The following LEMD1 variants were observed in gnomAD, a reference collection of about 807,000 sequenced individuals.
LEMD1 encodes LEM domain-containing protein 1.
A neutral mutation model predicts 17.4 loss-of-function variants in LEMD1; 18 were observed. The ratio of observed to expected loss-of-function variants is 1.04; its 90% CI spans 0.72 to 1.54. LEMD1 has a LOEUF of 1.54. Among genes scored for constraint, LEMD1 ranks in the 40% most tolerant of loss-of-function variants. The pLI, the probability that LEMD1 is intolerant of heterozygous loss-of-function variation, is 0.00. For synonymous variants in LEMD1, 88 were observed against 77.8 expected (o/e 1.13, Z -0.69); for missense variants, 195 against 210.4 (o/e 0.93, Z 0.45).
At chr1:205,413,722 G>A (rs1001593250) in intron 4 of LEMD1, among the ~76,000 whole-genome samples, 4 of 145,794 alleles carry the variant, frequency 2.7e-5, no homozygotes, top group East Asian at 2.0e-4. Flanking sequence ...GCACAATCTC[G>A]GCTCATTGCA....
intron 4 of LEMD1, among the ~76,000 whole-genome samples, chr1:205,394,986 C>CAA (rs751367678): frequency 5.0e-5 from 6 of 120,386 alleles, no homozygotes; most frequent in Non-Finnish European, 8.9e-5. Flanking sequence ...GACTCCTTCT[C>CAA]AAAAAAAAAA....
At chr1:205,442,476 G>C (rs145826294) in intron 1 of LEMD1, among the ~76,000 whole-genome samples, 1 of 152,138 alleles carries the variant, frequency 6.6e-6, no homozygotes, top group South Asian at 2.1e-4. Context: ...AACTTCCTTC[G>C]TGTTTCTCCA....
At chr1:205,395,355 G>A (rs902218499) in intron 4 of LEMD1, among the ~76,000 whole-genome samples, 1 of 152,232 alleles carries the variant, frequency 6.6e-6, no homozygotes, top group Middle Eastern at 3.4e-3. Flanking sequence ...AGCACTTTGG[G>A]AGGCTGAGGT....
intron 5 of LEMD1, among the ~76,000 whole-genome samples, chr1:205,383,399 T>G (rs569494095): frequency 6.6e-6 from 1 of 151,886 alleles, no homozygotes; most frequent in Non-Finnish European, 1.5e-5. Context: ...CCAGCCAACA[T>G]GTGCTATTCT....
Position 205,434,728 on chromosome 1 carries a change from C to T in LEMD1, c.-38-14154G>A, listed in dbSNP as rs186910115. Reference sequence around the variant, plus strand: ...TGGCCCCAACACCTCACTTTATGTCCATACTCCTGACTCTTCCCCCCAGTC... The same window carrying T: ...TGGCCCCAACACCTCACTTTATGTCTATACTCCTGACTCTTCCCCCCAGTC... On this transcript the variant is annotated intron_variant, in intron 1 of 3. Transcript: ENST00000367154. 6.2e-4 allele frequency among the ~76,000 whole-genome samples: 95 copies of T among 152,262 alleles called. 1 individual carries two copies. The highest frequency in any genetic ancestry group is 2.2e-3 in the African/African-American group (91 of 41,544).
intron 1 of LEMD1, among the ~76,000 whole-genome samples, chr1:205,432,492 C>T (rs909819991): frequency 3.9e-5 from 6 of 152,170 alleles, no homozygotes; most frequent in African/African-American, 1.4e-4. Context: ...ATTACAAACC[C>T]CAAGAGATCA....
At chr1:205,403,095 C>T (rs1178368084) in intron 4 of LEMD1, among the ~76,000 whole-genome samples, 1 of 151,862 alleles carries the variant, frequency 6.6e-6, no homozygotes, top group Non-Finnish European at 1.5e-5. Flanking sequence ...CTGCTGGATT[C>T]GGTGTGCCAA....
At chr1:205,416,058 G>A (rs1256206647) in intron 4 of LEMD1, among the ~76,000 whole-genome samples, 174 bp downstream of exon 4, 1 of 152,100 alleles carries the variant, frequency 6.6e-6, no homozygotes, top group Admixed American at 6.6e-5. Flanking sequence ...CTAGATCATG[G>A]AAATTTTTTC....
chr1:205,432,177 G>A (rs72748914), intron 1 of LEMD1, among the ~76,000 whole-genome samples: 9,672 of 152,274 alleles, frequency 0.064, 433 homozygotes, highest in Middle Eastern at 0.11. Flanking sequence ...GTTAGAGAAA[G>A]GAAGAGGAAG....
intron 1 of LEMD1, among the ~76,000 whole-genome samples, chr1:205,427,920 C>T (rs1364538674): frequency 6.6e-6 from 1 of 152,182 alleles, no homozygotes; most frequent in Non-Finnish European, 1.5e-5. Context: ...AAACAAACAA[C>T]TGTTCCAGAG....
chr1:205,392,728 G>C (rs1180054966), intron 4 of LEMD1, among the ~76,000 whole-genome samples: 1 of 152,136 alleles, frequency 6.6e-6, no homozygotes, highest in Admixed American at 6.5e-5. Flanking sequence ...TGTAATGAAA[G>C]ACCTAACATT....
At chr1:205,404,683 A>G (rs1665006416) in intron 4 of LEMD1, among the ~76,000 whole-genome samples, 1 of 152,012 alleles carries the variant, frequency 6.6e-6, no homozygotes, top group African/African-American at 2.4e-5. Flanking sequence ...TTTTAATTGG[A>G]GCATTTAGTC....
Position 205,381,590 on chromosome 1 carries a change from G to T in LEMD1, c.*68C>A. 1 of 1,478,442 alleles carries T rather than the reference G, an allele frequency of 6.8e-7. No individual in the cohort carries two copies. Among genetic ancestry groups the T allele is most frequent in the Non-Finnish European group, 9.5e-7 (1 of 1,057,320 alleles). 91.6% of individuals were successfully genotyped at this position (1,478,442 alleles called of 1,614,324 possible). A position where few individuals can be genotyped will look rare whatever the true frequency, so the allele number is the denominator to read the frequency against. On this transcript the variant is annotated 3_prime_UTR_variant, in exon 6 of 6. Coordinates refer to ENST00000367153, the MANE Select transcript of LEMD1 (RefSeq NM_001199050.2). ...GGCTGCAGGCTAGGCTGGCCCTTCA[G>T]GGTAGTGTTTTGGTTCTTTCCTGAA...
intron 4 of LEMD1, among the ~76,000 whole-genome samples, chr1:205,414,428 A>AG (rs963336448): frequency 6.6e-6 from 1 of 151,348 alleles, no homozygotes; most frequent in African/African-American, 2.4e-5. Flanking sequence ...TACAAAAAAA[A>AG]AAAAAGTTTT....
At chr1:205,423,826 C>G (rs143249401), upstream of LEMD1, among the ~76,000 whole-genome samples, 21 of 152,202 alleles carry the variant, frequency 1.4e-4, no homozygotes, top group African/African-American at 5.1e-4. Context: ...ATATTTTATT[C>G]CATTTCTTGA....
At chr1:205,396,666 G>T (rs1479644915) in intron 4 of LEMD1, among the ~76,000 whole-genome samples, 2 of 152,134 alleles carry the variant, frequency 1.3e-5, no homozygotes, top group Non-Finnish European at 2.9e-5. Flanking sequence ...GATGCTGCAT[G>T]GTAAGGGAAG....
chr1:205,426,837 G>C (rs184227537), upstream of LEMD1, among the ~76,000 whole-genome samples: 359 of 152,254 alleles, frequency 2.4e-3, 1 homozygote, highest in African/African-American at 7.8e-3. Context: ...AGGGTGTTCA[G>C]GGCTGTCAGG....
chr1:205,404,482 T>C (rs1664998265), intron 4 of LEMD1, among the ~76,000 whole-genome samples: 1 of 152,154 alleles, frequency 6.6e-6, no homozygotes. Context: ...CTTTTGATCT[T>C]TGTTGGTTTA....
At chr1:205,445,791 CAG>C (rs1365906239) in intron 1 of LEMD1, among the ~76,000 whole-genome samples, 5 of 152,296 alleles carry the variant, frequency 3.3e-5, no homozygotes, top group Non-Finnish European at 7.4e-5. Context: ...CCTGGTGGAC[CAG>C]ACTGTCAGCG....
Sources: allele counts gnomAD v4.1 joint callset (sites outside exome capture counted in the v4.1 genomes callset), GRCh38; gene constraint gnomAD v4.1.1; transcripts MANE v1.5; gene names NCBI Gene and HGNC (gene_info 2026-07-23, HGNC 2026-07-21).